The following GAREM1 variants were observed in gnomAD, a reference collection of about 807,000 sequenced individuals.
The protein encoded by GAREM1 is GRB2-associated and regulator of MAPK protein 1.
A neutral mutation model predicts 71.3 loss-of-function variants in GAREM1; 26 were observed. The ratio of observed to expected loss-of-function variants is 0.36; its 90% CI spans 0.27 to 0.51. The LOEUF (loss-of-function observed/expected upper bound fraction) is 0.51. Ranked by LOEUF, GAREM1 falls within the 20% of genes least tolerant of loss-of-function variation. GAREM1 has a pLI of 0.95. For synonymous variants in GAREM1, 440 were observed against 433.2 expected (o/e 1.02, Z -0.20); for missense variants, 1,026 against 1,103.1 (o/e 0.93, Z 0.99).
chr18:32,440,692 G>A (rs1479998986), intron 1 of GAREM1, among the ~76,000 whole-genome samples: 2 of 152,218 alleles, frequency 1.3e-5, no homozygotes, highest in African/African-American at 2.4e-5. Context: ...CAGAATGAGT[G>A]TCAGTAGCTT....
At position 32,308,683 on chromosome 18, in the gene GAREM1, T is replaced by C. The variant is rs1361591838; in HGVS notation, c.393+1510A>G. Among the ~76,000 whole-genome samples the C allele has an allele frequency of 5.3e-5, 8 of 150,242 alleles. 1 individual carries two copies. Among genetic ancestry groups the C allele is most frequent in the Admixed American group, 2.0e-4 (3 of 15,104 alleles). Reference sequence around the variant, plus strand: ...TGCACAAGTTTTCACTGTAAACAAATGCAAGCTGTCTTGACTGCTCATGTA... The same window carrying C: ...TGCACAAGTTTTCACTGTAAACAAACGCAAGCTGTCTTGACTGCTCATGTA... On this transcript the variant is annotated intron_variant, in intron 3 of 5. Coordinates refer to ENST00000269209, the MANE Select transcript of GAREM1 (RefSeq NM_001242409.2).
intron 2 of GAREM1, among the ~76,000 whole-genome samples, chr18:32,388,993 T>C (rs2048172190): frequency 6.6e-6 from 1 of 152,200 alleles, no homozygotes; most frequent in Admixed American, 6.5e-5. Flanking sequence ...GGATGTATGC[T>C]GTCTACTCTC....
intron 2 of GAREM1, among the ~76,000 whole-genome samples, chr18:32,378,059 C>CGTGT (rs1567986698): frequency 2.7e-5 from 3 of 112,980 alleles, no homozygotes; most frequent in African/African-American, 1.1e-4. Context: ...TGTGTGTGTG[C>CGTGT]GCGCGGGCGC....
At chr18:32,285,997 T>C (rs901350940) in intron 4 of GAREM1, among the ~76,000 whole-genome samples, 6 of 152,180 alleles carry the variant, frequency 3.9e-5, no homozygotes, top group African/African-American at 1.4e-4. Context: ...CTTCTATATA[T>C]TGGGATTCAT....
intron 1 of GAREM1, among the ~76,000 whole-genome samples, chr18:32,444,528 C>T (rs1434788542): frequency 6.6e-6 from 1 of 152,180 alleles, no homozygotes; most frequent in Non-Finnish European, 1.5e-5. Context: ...AGCAATTCCA[C>T]TGCATATTTG....
chr18:32,460,291 A>G (rs1303346486), intron 1 of GAREM1, among the ~76,000 whole-genome samples: 1 of 152,168 alleles, frequency 6.6e-6, no homozygotes, highest in Non-Finnish European at 1.5e-5. Flanking sequence ...ATAACAATTT[A>G]CTGTATATGT....
rs149915544 is a variant in GAREM1, at chr18:32,290,340, A to C, written c.394-2137T>G. 361 of 152,284 alleles carry C rather than the reference A, an allele frequency of 2.4e-3. 2 individuals carry two copies. The highest frequency in any genetic ancestry group is 8.3e-3 in the African/African-American group (345 of 41,550). 9.4% of individuals were successfully genotyped at this position (152,284 alleles called of 1,614,324 possible). On this transcript the variant is annotated intron_variant, in intron 3 of 5. Transcript: ENST00000269209. ...TGGATGGCAGAAAACAAGAGAAATA[A>C]AGTCAAAAGTCAAATGACAGACTGA...
intron 1 of GAREM1, among the ~76,000 whole-genome samples, chr18:32,441,262 T>TA (rs903566369): frequency 1.3e-5 from 2 of 152,048 alleles, no homozygotes; most frequent in African/African-American, 4.8e-5. Context: ...CAATTTTTTT[T>TA]AAAATTCATT....
intron 2 of GAREM1, among the ~76,000 whole-genome samples, chr18:32,326,455 A>G (rs1299009551): frequency 6.6e-6 from 1 of 152,206 alleles, no homozygotes; most frequent in African/African-American, 2.4e-5. Context: ...AAGGCCCTAC[A>G]TTGTAGAGAG....
intron 1 of GAREM1, among the ~76,000 whole-genome samples, chr18:32,420,229 G>A (rs2048506805): frequency 6.6e-6 from 1 of 152,052 alleles, no homozygotes; most frequent in Admixed American, 6.6e-5. Flanking sequence ...GTCATGCTGA[G>A]GTCTTGAGAC....
intron 2 of GAREM1, among the ~76,000 whole-genome samples, chr18:32,345,678 G>A (rs2047688457): frequency 1.3e-5 from 2 of 152,178 alleles, no homozygotes; most frequent in South Asian, 4.1e-4. Context: ...AAAAGCAACT[G>A]ATGAATTTCT....
intron 2 of GAREM1, among the ~76,000 whole-genome samples, chr18:32,371,446 G>T (rs1177270761): frequency 6.6e-6 from 1 of 152,154 alleles, no homozygotes; most frequent in Admixed American, 6.5e-5. Context: ...TTTGTATTAG[G>T]GCAGCAGAAG....
At chr18:32,302,227 C>G (rs1598943810) in intron 3 of GAREM1, among the ~76,000 whole-genome samples, 1 of 152,050 alleles carries the variant, frequency 6.6e-6, no homozygotes, top group South Asian at 2.1e-4. Flanking sequence ...TTCATATGAA[C>G]CAATGAAGTC....
chr18:32,283,795 G>A (rs1021193837), intron 4 of GAREM1, among the ~76,000 whole-genome samples: 10 of 152,236 alleles, frequency 6.6e-5, no homozygotes, highest in Admixed American at 1.3e-4. Flanking sequence ...AACAGAAAAG[G>A]GCTGATGAGC....
chr18:32,389,246 G>T (rs2048174486), intron 2 of GAREM1, among the ~76,000 whole-genome samples: 1 of 152,140 alleles, frequency 6.6e-6, no homozygotes, highest in Admixed American at 6.5e-5. Flanking sequence ...CAACTAGCTT[G>T]AATGAAGAGT....
rs150570155 is a variant in GAREM1, at chr18:32,428,310, G to A, written c.122-35275C>T. Among the ~76,000 whole-genome samples, 375 of 152,268 alleles carry A rather than the reference G, an allele frequency of 2.5e-3. 4 individuals are homozygous for A. Among genetic ancestry groups the A allele is most frequent in the African/African-American group, 8.7e-3 (361 of 41,548 alleles). ...CTGTCTAGTTTACCCTTTAACCATT[G>A]ATAGGGTTTGGATCTGTGTCCTTGC... On this transcript the variant is annotated intron_variant, in intron 1 of 5. Transcript: ENST00000269209.
chr18:32,269,619 T>C (rs75582944), intron 5 of GAREM1, among the ~76,000 whole-genome samples: 18 of 152,198 alleles, frequency 1.2e-4, no homozygotes, highest in Non-Finnish European at 1.9e-4. Flanking sequence ...TAAGAAATGA[T>C]TGAAAGTTAC....
At chr18:32,379,038 G>T (rs760709980) in intron 2 of GAREM1, among the ~76,000 whole-genome samples, 1 of 152,116 alleles carries the variant, frequency 6.6e-6, no homozygotes, top group South Asian at 2.1e-4. Flanking sequence ...CCAACTGGGC[G>T]GCTCTGGGTT....
chr18:32,348,518 G>A (rs145525538), intron 2 of GAREM1, among the ~76,000 whole-genome samples: 1,807 of 152,236 alleles, frequency 0.012, 49 homozygotes, highest in African/African-American at 0.042. Context: ...GAGGCCAGGA[G>A]TTCGAGACCA....
Sources: allele counts gnomAD v4.1 joint callset (sites outside exome capture counted in the v4.1 genomes callset), GRCh38; gene constraint gnomAD v4.1.1; transcripts MANE v1.5; gene names NCBI Gene and HGNC (gene_info 2026-07-23, HGNC 2026-07-21).